Variants in GLT8D2 observed in about 807,000 individuals in gnomAD.
GLT8D2 encodes the protein glycosyltransferase 8 domain-containing protein 2.
In GLT8D2, 45 loss-of-function variants were observed where a neutral mutation model predicts 44.5. That is an observed-to-expected ratio of 1.01 (90% CI 0.80 to 1.30). The LOEUF (loss-of-function observed/expected upper bound fraction) is 1.30. Ranked by LOEUF, GLT8D2 falls within the 50% of genes most tolerant of loss-of-function variation. The pLI is 0.00. For synonymous variants in GLT8D2, 156 were observed against 157.2 expected, an observed-to-expected ratio of 0.99 and a Z score of 0.06; for missense variants, 400 against 430.4, an observed-to-expected ratio of 0.93 and a Z score of 0.62.
chr12:103,994,894 A>G (rs1873214594), intron 8 of GLT8D2, among the ~76,000 whole-genome samples: 1 of 152,082 alleles, frequency 6.6e-6, no homozygotes, highest in Non-Finnish European at 1.5e-5. Flanking sequence ...AATTGATCCC[A>G]ATCCTATCCC....
chr12:104,005,063 C>T (rs1260517017), intron 4 of GLT8D2, among the ~76,000 whole-genome samples: 1 of 151,892 alleles, frequency 6.6e-6, no homozygotes, highest in African/African-American at 2.4e-5. Context: ...AACAGAGGCC[C>T]CAGAAATAAC....
chr12:104,016,197 G>C (rs1406048768), intron 3 of GLT8D2, among the ~76,000 whole-genome samples: 1 of 152,140 alleles, frequency 6.6e-6, no homozygotes, highest in East Asian at 1.9e-4. Context: ...TCCCCATTTA[G>C]TATGATACTA....
At chr12:104,006,758 T>A (rs1875062873) in intron 4 of GLT8D2, among the ~76,000 whole-genome samples, 9 of 152,220 alleles carry the variant, frequency 5.9e-5, no homozygotes, top group Admixed American at 5.9e-4. Flanking sequence ...GGTCATAGTG[T>A]TGGATTCTAG....
At chr12:104,014,014 A>G (rs972425861) in intron 4 of GLT8D2, among the ~76,000 whole-genome samples, 3 of 152,166 alleles carry the variant, frequency 2.0e-5, no homozygotes, top group Non-Finnish European at 4.4e-5. Flanking sequence ...AAAGTGCTGG[A>G]TTACAAGTAT....
chr12:103,989,779 C>G lies in GLT8D2; in HGVS notation c.881-202G>C, dbSNP rs375059433. Among the ~76,000 whole-genome samples the G allele has an allele frequency of 3.3e-5, 5 of 151,990 alleles. No individual in the cohort carries two copies. In the East Asian group the frequency reaches 9.6e-4, roughly 29 times the overall value. ...CTAGTAGTGTTATAGCATTGTTTGA[C>G]CTGTATGCATGTATATGTATATTTA... On this transcript the variant is annotated intron_variant, in intron 10 of 10. Transcript: ENST00000360814.
chr12:104,034,976 G>A (rs1223794332), intron 1 of GLT8D2, among the ~76,000 whole-genome samples: 1 of 152,198 alleles, frequency 6.6e-6, no homozygotes, highest in African/African-American at 2.4e-5. Flanking sequence ...TTGCTGTTCT[G>A]CAATATTTGC....
chr12:104,003,378 A>C, intron 4 of GLT8D2, 72 bp from the exon 5 acceptor site: 1 of 1,303,994 alleles, frequency 7.7e-7, no homozygotes. Context: ...TGCATCTTCC[A>C]TACTCCTGGG....
chr12:104,002,492 C>T (rs562429467), intron 5 of GLT8D2, among the ~76,000 whole-genome samples: 11 of 152,244 alleles, frequency 7.2e-5, no homozygotes, highest in South Asian at 2.1e-4. Context: ...GTGATGCAGT[C>T]AAATCTGTCC....
chr12:104,056,434 C>T (rs1045535675), intron 1 of GLT8D2, among the ~76,000 whole-genome samples: 1 of 152,228 alleles, frequency 6.6e-6, no homozygotes, highest in African/African-American at 2.4e-5. Flanking sequence ...TGTCTGCCAC[C>T]TCCAGCACCA....
intron 5 of GLT8D2, among the ~76,000 whole-genome samples, chr12:104,000,232 T>A (rs554114670): frequency 6.6e-6 from 1 of 151,910 alleles, no homozygotes; most frequent in Admixed American, 6.5e-5. Context: ...TCTGAAAAAA[T>A]AATTGGTCAT....
intron 1 of GLT8D2, among the ~76,000 whole-genome samples, chr12:104,039,946 C>T (rs1880353227): frequency 6.6e-6 from 1 of 152,198 alleles, no homozygotes. Context: ...CACATATACA[C>T]CATGGAATAC....
chr12:104,025,127 T>C (rs1878422559), intron 1 of GLT8D2, among the ~76,000 whole-genome samples: 1 of 151,324 alleles, frequency 6.6e-6, no homozygotes, highest in African/African-American at 2.4e-5. Flanking sequence ...TTTCCCCTGG[T>C]ATGTGACTTG....
At chr12:104,012,974 C>G in intron 4 of GLT8D2, 1 of 571,224 alleles carries the variant, frequency 1.8e-6, no homozygotes, top group Non-Finnish European at 3.1e-6. Context: ...CTGCTCACAC[C>G]TTGATCCTGG....
intron 2 of GLT8D2, among the ~76,000 whole-genome samples, 191 bp downstream of exon 2, chr12:104,021,166 G>A (rs1248589728): frequency 6.6e-6 from 1 of 152,160 alleles, no homozygotes; most frequent in African/African-American, 2.4e-5. Flanking sequence ...TTTAACTGCT[G>A]GCAGAGTTCC....
At chr12:104,052,767 AATTATT>A (rs200946938), upstream of GLT8D2, among the ~76,000 whole-genome samples, 1 of 101,968 alleles carries the variant, frequency 9.8e-6, no homozygotes, top group African/African-American at 2.8e-5. Flanking sequence ...TTTATGTATT[AATTATT>A]ATTATTATTA....
intron 1 of GLT8D2, among the ~76,000 whole-genome samples, chr12:104,038,512 G>A (rs1304828442): frequency 6.6e-6 from 1 of 152,034 alleles, no homozygotes; most frequent in East Asian, 1.9e-4. Context: ...CAGACAAACA[G>A]AGAGCCAAAT....
upstream of GLT8D2, among the ~76,000 whole-genome samples, chr12:104,054,839 C>G (rs556406497): frequency 7.2e-5 from 11 of 152,204 alleles, no homozygotes; most frequent in South Asian, 1.9e-3. Context: ...GATAAGAGGC[C>G]TGCACTGTGC....
intron 2 of GLT8D2, 106 bp downstream of exon 2, chr12:104,021,251 G>C (rs1010040192): frequency 1.3e-5 from 2 of 152,166 alleles, no homozygotes; most frequent in Non-Finnish European, 2.9e-5. Flanking sequence ...GTGAGAGCAG[G>C]GAAAAGCTAA....
intron 9 of GLT8D2, 43 bp from the exon 10 acceptor site, chr12:103,993,547 C>G: frequency 7.7e-7 from 1 of 1,306,994 alleles, no homozygotes; most frequent in Non-Finnish European, 1.1e-6. Flanking sequence ...CTGGAGCCCC[C>G]ACAAACTCAG....
Sources: gnomAD v4.1 joint callset for allele counts (sites outside exome capture counted in the v4.1 genomes callset) on GRCh38, gnomAD v4.1.1 for gene constraint, MANE v1.5 for transcripts, NCBI Gene and HGNC (gene_info 2026-07-23, HGNC 2026-07-21) for gene names.